AUTS2: variants seen among roughly 807,000 people sequenced by gnomAD.
AUTS2 encodes autism susceptibility gene 2 protein.
In AUTS2, 17 loss-of-function variants were observed where a neutral mutation model predicts 112.4. The observed-to-expected ratio is 0.15, with a 90% CI of 0.10 to 0.23. AUTS2 has a LOEUF of 0.23. Among genes scored for constraint, AUTS2 ranks in the 10% least tolerant of loss-of-function variants. AUTS2 has a pLI of 1.00. For missense variants in AUTS2, 1,510 were observed against 1,701.6 expected, an observed-to-expected ratio of 0.89 and a Z score of 1.98; for synonymous variants, 751 against 702.7, an observed-to-expected ratio of 1.07 and a Z score of -1.09.
intron 2 of AUTS2, 105 bp downstream of exon 2, chr7:69,899,603 G>A: frequency 1.9e-6 from 2 of 1,054,748 alleles, no homozygotes; most frequent in Non-Finnish European, 2.8e-6. Context: ...ATCCTTGGTG[G>A]GATGCTGAAG....
intron 3 of AUTS2, chr7:70,120,020 G>T (rs541601561): frequency 6.6e-6 from 1 of 152,042 alleles, no homozygotes; most frequent in Non-Finnish European, 1.5e-5. Context: ...TTTTAAATAC[G>T]TGGATTTAAG....
rs1486585073 is a variant in AUTS2 at position 70,078,308 on chromosome 7, T to G, written c.523-39824T>G. On this transcript the variant is annotated intron_variant, in intron 2 of 18. Coordinates refer to ENST00000342771, the MANE Select transcript of AUTS2 (RefSeq NM_015570.4). ...TACACCATGCTGGACAAAGAGATGA[T>G]TCTCATCCTGGGTGGACAGATCAGG... Among the ~76,000 whole-genome samples the G allele has an allele frequency of 2.6e-5, 4 of 152,170 alleles. No homozygotes were observed. The East Asian group carries it at 7.7e-4, about 29-fold the overall frequency.
chr7:70,218,356 A>T (rs1248416486), intron 4 of AUTS2, among the ~76,000 whole-genome samples: 1 of 152,176 alleles, frequency 6.6e-6, no homozygotes, highest in Non-Finnish European at 1.5e-5. Context: ...TGGCTAAAGG[A>T]GAAAGGAAAG....
chr7:70,591,647 C>T (rs1437396607), intron 5 of AUTS2, among the ~76,000 whole-genome samples: 151 of 152,298 alleles, frequency 9.9e-4, no homozygotes, highest in African/African-American at 3.4e-3. Flanking sequence ...GATTCTCCCG[C>T]CTCAGCCTCC....
chr7:69,847,769 A>C (rs1322305687), intron 1 of AUTS2, among the ~76,000 whole-genome samples: 6 of 152,168 alleles, frequency 3.9e-5, no homozygotes, highest in Non-Finnish European at 7.3e-5. Context: ...CCACAGATGA[A>C]GGTTGAGGAC....
At chr7:70,044,798 A>G (rs1236049282) in intron 2 of AUTS2, among the ~76,000 whole-genome samples, 1 of 152,242 alleles carries the variant, frequency 6.6e-6, no homozygotes, top group Non-Finnish European at 1.5e-5. Flanking sequence ...TTAACTGAAG[A>G]AAATGTCAGG....
intron 1 of AUTS2, among the ~76,000 whole-genome samples, chr7:69,710,956 A>G (rs1487199891): frequency 2.0e-5 from 3 of 151,964 alleles, no homozygotes; most frequent in South Asian, 2.1e-4. Flanking sequence ...TGGCAGATAC[A>G]GTTCTCAGTG....
intron 4 of AUTS2, among the ~76,000 whole-genome samples, chr7:70,252,185 T>TC (rs1786634192): frequency 6.6e-6 from 1 of 152,222 alleles, no homozygotes; most frequent in Non-Finnish European, 1.5e-5. Flanking sequence ...ATTCTATTTT[T>TC]AATTTTCTGA....
At chr7:70,045,816 T>G (rs1489325126) in intron 2 of AUTS2, among the ~76,000 whole-genome samples, 1 of 140,892 alleles carries the variant, frequency 7.1e-6, no homozygotes, top group Non-Finnish European at 1.5e-5. Flanking sequence ...TAAGTAGAGA[T>G]AGGGTTTCAC....
intron 2 of AUTS2, among the ~76,000 whole-genome samples, chr7:69,899,717 A>G (rs1794897303): frequency 6.6e-6 from 1 of 152,232 alleles, no homozygotes; most frequent in African/African-American, 2.4e-5. Context: ...CCTTTCAGTC[A>G]GATGTGCTTT....
chr7:70,160,016 T>G (rs937937135), intron 4 of AUTS2, among the ~76,000 whole-genome samples: 1 of 152,112 alleles, frequency 6.6e-6, no homozygotes, highest in Non-Finnish European at 1.5e-5. Context: ...AGCTCTTACT[T>G]CTAGTTTTAG....
At chr7:70,262,151 AT>A (rs1164034226) in intron 4 of AUTS2, among the ~76,000 whole-genome samples, 1 of 152,142 alleles carries the variant, frequency 6.6e-6, no homozygotes, top group Non-Finnish European at 1.5e-5. Flanking sequence ...TAATAATTAC[AT>A]TTTAATTTTA....
chr7:69,977,139 C>G (rs930192528), intron 2 of AUTS2, among the ~76,000 whole-genome samples: 8 of 152,082 alleles, frequency 5.3e-5, no homozygotes, highest in Non-Finnish European at 1.0e-4. Flanking sequence ...TGTAAAGGGT[C>G]CAGTTTTATT....
chr7:70,629,847 C>T (rs538789119), intron 5 of AUTS2, among the ~76,000 whole-genome samples: 4 of 151,868 alleles, frequency 2.6e-5, no homozygotes, highest in South Asian at 2.1e-4. Context: ...AATAAAAATG[C>T]TCTCATATTC....
chr7:69,643,156 A>G (rs1219888904), intron 1 of AUTS2: 1 of 152,248 alleles, frequency 6.6e-6, no homozygotes, highest in African/African-American at 2.4e-5. Context: ...TATCCTTGTA[A>G]TGTGTGCTTC....
intron 2 of AUTS2, among the ~76,000 whole-genome samples, chr7:70,071,998 G>A (rs999944069): frequency 2.6e-5 from 4 of 152,064 alleles, no homozygotes; most frequent in Middle Eastern, 6.8e-3. Context: ...GCCTTGCTGC[G>A]GCCCAAGGGA....
At chr7:69,983,213 A>G (rs1439709771) in intron 2 of AUTS2, among the ~76,000 whole-genome samples, 1 of 152,056 alleles carries the variant, frequency 6.6e-6, no homozygotes, top group Non-Finnish European at 1.5e-5. Context: ...AACTAATTGT[A>G]TATACTTTTA....
intron 2 of AUTS2, among the ~76,000 whole-genome samples, chr7:70,016,341 A>G (rs1460093314): frequency 1.3e-5 from 2 of 152,028 alleles, no homozygotes; most frequent in Non-Finnish European, 2.9e-5. Context: ...GATTTTCACT[A>G]TTTCCTTCTG....
At chr7:70,036,767 C>A (rs77630308) in intron 2 of AUTS2, among the ~76,000 whole-genome samples, 3,546 of 152,246 alleles carry the variant, frequency 0.023, 88 homozygotes, top group South Asian at 0.063. Flanking sequence ...CCGAAGACAC[C>A]AAAACTGATG....
Sources: allele counts gnomAD v4.1 joint callset (sites outside exome capture counted in the v4.1 genomes callset), GRCh38; gene constraint gnomAD v4.1.1; transcripts MANE v1.5; gene names NCBI Gene and HGNC (gene_info 2026-07-23, HGNC 2026-07-21).